Variants in SCNN1G observed in about 807,000 individuals in gnomAD.
SCNN1G encodes epithelial sodium channel subunit gamma.
Under a neutral mutation model 64.6 loss-of-function variants are expected in SCNN1G, and 27 were observed. The ratio of observed to expected loss-of-function variants is 0.42; its 90% CI spans 0.31 to 0.58. The LOEUF is 0.58. Among genes scored for constraint, SCNN1G ranks in the 20% least tolerant of loss-of-function variants. The pLI is 0.18. For missense variants in SCNN1G, 743 were observed against 823.4 expected (o/e 0.90, Z 1.19); for synonymous variants, 330 against 314.2 (o/e 1.05, Z -0.53).
chr16:23,184,372 AC>A (rs1338072117), intron 1 of SCNN1G, among the ~76,000 whole-genome samples: 1 of 152,048 alleles, frequency 6.6e-6, no homozygotes, highest in Non-Finnish European at 1.5e-5. Context: ...TTGAACCTGG[AC>A]CTAGATTTTA....
chr16:23,197,782 A>G (rs1451828989), intron 6 of SCNN1G, among the ~76,000 whole-genome samples: 1 of 152,030 alleles, frequency 6.6e-6, no homozygotes, highest in Non-Finnish European at 1.5e-5. Context: ...AGGGAGGCTG[A>G]GGCAAGAGAA....
chr16:23,186,304 CAAG>C lies in SCNN1G; in HGVS notation c.39_41del (p.Lys13del). 6.2e-7 allele frequency: 1 copy of C among 1,614,242 alleles called. No homozygotes were observed. Among genetic ancestry groups the C allele is most frequent in the Non-Finnish European group, 8.5e-7 (1 of 1,180,040 alleles). On this transcript the variant is annotated inframe_deletion, in exon 2 of 13. Transcript: ENST00000300061. ...CCGGAGAGAAGATCAAAGCCAAAAT[CAAG>C]AAGAATCTGCCCGTGACGGGCCCTC...
chr16:23,190,062 T>C (rs1373712357), intron 3 of SCNN1G, among the ~76,000 whole-genome samples: 1 of 139,714 alleles, frequency 7.2e-6, no homozygotes, highest in Non-Finnish European at 1.6e-5. Flanking sequence ...AGAATGAGAC[T>C]CTGTTAAAAA....
intron 6 of SCNN1G, among the ~76,000 whole-genome samples, chr16:23,198,979 A>G (rs1959842029): frequency 6.6e-6 from 1 of 152,116 alleles, no homozygotes; most frequent in African/African-American, 2.4e-5. Context: ...GCTTGAGCCC[A>G]GGAGTTCAAG....
At chr16:23,206,692 A>G (rs751707125) in intron 6 of SCNN1G, among the ~76,000 whole-genome samples, 3 of 152,122 alleles carry the variant, frequency 2.0e-5, no homozygotes, top group Non-Finnish European at 4.4e-5. Flanking sequence ...AAGCAGAAAG[A>G]ATCTGGTTTG....
chr16:23,214,840 A>T (rs1327108274), intron 12 of SCNN1G, 53 bp downstream of exon 12: 1 of 1,452,876 alleles, frequency 6.9e-7, no homozygotes, highest in African/African-American at 1.4e-5. Context: ...AAATGTGAGC[A>T]TCTTCCTGGC....
chr16:23,183,820 TA>T (rs1271005585), intron 1 of SCNN1G, among the ~76,000 whole-genome samples: 2 of 152,202 alleles, frequency 1.3e-5, no homozygotes, highest in Non-Finnish European at 2.9e-5. Flanking sequence ...CTGTTATTAT[TA>T]TTAATGATTG....
chr16:23,186,037 G>C (rs931591899), intron 1 of SCNN1G, among the ~76,000 whole-genome samples, 191 bp from the exon 2 acceptor site: 2 of 152,222 alleles, frequency 1.3e-5, no homozygotes, highest in African/African-American at 4.8e-5. Flanking sequence ...GGCAGCTGTG[G>C]TGGCCAAAAA....
chr16:23,199,971 C>CA (rs1200136787), intron 6 of SCNN1G, among the ~76,000 whole-genome samples: 1 of 152,124 alleles, frequency 6.6e-6, no homozygotes, highest in Non-Finnish European at 1.5e-5. Flanking sequence ...GCGCCTGGCC[C>CA]ATAATGACGT....
chr16:23,206,422 T>A (rs983132422), intron 6 of SCNN1G, among the ~76,000 whole-genome samples: 2 of 152,216 alleles, frequency 1.3e-5, no homozygotes, highest in African/African-American at 2.4e-5. Context: ...TCTGCTGCCA[T>A]CTGGGCTTTC....
In SCNN1G at chr16:23,209,793, A is replaced by T. The variant is rs1186969215; in HGVS notation, c.1121A>T (p.Glu374Val). ...KLSEPYSQCT[E>V]DGSDVPIRNI... is the part of the protein sequence containing the mutation. ...AGTGAGCCCTACAGTCAGTGCACGG[A>T]GGACGGGAGTGACGTGCCAATCAGG... The change falls in exon 7 of 13, where the codon GAG becomes GTG. Residue 374 changes from glutamate (E) to valine (V), a missense_variant. Physicochemically the swap from Glu to Val is moderately radical, Grantham distance 121. Transcript: ENST00000300061. 6.2e-7 allele frequency: 1 copy of T among 1,614,116 alleles called. No individual in the cohort carries two copies. Among genetic ancestry groups the T allele is most frequent in the South Asian group, 1.1e-5 (1 of 91,086 alleles).
intron 6 of SCNN1G, among the ~76,000 whole-genome samples, chr16:23,198,078 A>G (rs1959826724): frequency 6.6e-6 from 1 of 152,220 alleles, no homozygotes; most frequent in African/African-American, 2.4e-5. Flanking sequence ...AGGCATGTCA[A>G]TAACTGTATT....
At chr16:23,188,028 C>T (rs763183093) in intron 2 of SCNN1G, among the ~76,000 whole-genome samples, 1 of 152,178 alleles carries the variant, frequency 6.6e-6, no homozygotes, top group South Asian at 2.1e-4. Flanking sequence ...TTCTCTCTCT[C>T]TCTCTGGTCC....
At chr16:23,189,710 C>T in intron 3 of SCNN1G, 39 bp downstream of exon 3, 1 of 1,593,492 alleles carries the variant, frequency 6.3e-7, no homozygotes, top group Non-Finnish European at 8.6e-7. Context: ...TGCTTAGGGG[C>T]ATGGGATGGG....
In SCNN1G at chr16:23,209,786, T is replaced by C. The variant is rs1960049198; in HGVS notation, c.1114T>C (p.Cys372Arg). ...CAAGCTGAGTGAGCCCTACAGTCAG[T>C]GCACGGAGGACGGGAGTGACGTGCC... ...SFKLSEPYSQCTEDGSDVPIR... is the reference protein window; with the variant it reads ...SFKLSEPYSQRTEDGSDVPIR... The change falls in exon 7 of 13, where the codon TGC (cysteine) becomes CGC (arginine). Residue 372 changes from cysteine (C) to arginine (R), a missense_variant. Cys to Arg is a radical substitution (Grantham distance 180). Coordinates refer to ENST00000300061, the MANE Select transcript of SCNN1G (RefSeq NM_001039.4). The C allele has an allele frequency of 6.2e-7, 1 of 1,614,096 alleles. No homozygotes were observed. Among genetic ancestry groups the C allele is most frequent in the Non-Finnish European group, 8.5e-7 (1 of 1,179,944 alleles).
chr16:23,197,114 C>T (rs148337972), intron 5 of SCNN1G, 150 bp from the exon 6 acceptor site: 58 of 708,342 alleles, frequency 8.2e-5, no homozygotes, highest in African/African-American at 7.5e-4. Flanking sequence ...TCCAATCTCA[C>T]GGAGCTTCCA....
intron 8 of SCNN1G, 28 bp downstream of exon 8, chr16:23,212,179 AT>A: frequency 6.9e-7 from 1 of 1,457,304 alleles, no homozygotes; most frequent in Middle Eastern, 1.8e-4. Context: ...CCAGCCTTGC[AT>A]GCCCCAGGAC....
At chr16:23,212,623 C>A in intron 8 of SCNN1G, 55 bp from the exon 9 acceptor site, 1 of 1,402,098 alleles carries the variant, frequency 7.1e-7, no homozygotes, top group Non-Finnish European at 1.0e-6. Context: ...CTGGGGATGG[C>A]CAGGAAGGGT....
intron 1 of SCNN1G, among the ~76,000 whole-genome samples, chr16:23,183,891 T>A (rs1959562442): frequency 6.6e-6 from 1 of 152,174 alleles, no homozygotes; most frequent in Non-Finnish European, 1.5e-5. Context: ...CTCAGCCACT[T>A]TCTAGTGTGA....
Sources: allele counts gnomAD v4.1 joint callset (sites outside exome capture counted in the v4.1 genomes callset), GRCh38; gene constraint gnomAD v4.1.1; transcripts MANE v1.5; gene names NCBI Gene and HGNC (gene_info 2026-07-23, HGNC 2026-07-21).